Variants in CRMP1 observed in about 807,000 individuals in gnomAD.
CRMP1 encodes collapsin response mediator protein 1, also known as dihydropyrimidinase-related protein 1.
In CRMP1, 19 loss-of-function variants were observed where a neutral mutation model predicts 68.3. The observed-to-expected ratio is 0.28, with a 90% CI of 0.19 to 0.41. CRMP1 has a LOEUF of 0.41. Ranked by LOEUF, CRMP1 falls within the 10% of genes least tolerant of loss-of-function variation. The pLI is 1.00. For synonymous variants in CRMP1, 439 were observed against 399.6 expected, an observed-to-expected ratio of 1.10 and a Z score of -1.18; for missense variants, 791 against 967.4, an observed-to-expected ratio of 0.82 and a Z score of 2.42.
intron 8 of CRMP1, among the ~76,000 whole-genome samples, chr4:5,840,005 C>T (rs1362914205): frequency 2.6e-5 from 4 of 152,202 alleles, no homozygotes; most frequent in South Asian, 4.1e-4. Flanking sequence ...CATGGAGACA[C>T]GATTTACTCT....
At chr4:5,851,363 G>A in intron 5 of CRMP1, 45 bp downstream of exon 5, 1 of 1,584,018 alleles carries the variant, frequency 6.3e-7, no homozygotes, top group Non-Finnish European at 8.7e-7. Flanking sequence ...AGCTGGCCCA[G>A]TCCTGCCCAG....
chr4:5,873,332 G>A (rs181024908), intron 1 of CRMP1, among the ~76,000 whole-genome samples: 38 of 152,284 alleles, frequency 2.5e-4, no homozygotes, highest in Non-Finnish European at 4.3e-4. Flanking sequence ...GGAAGCACAC[G>A]GTGTATTAGT....
rs1260066214 is a variant in CRMP1 at position 5,820,922 on chromosome 4, C to T, written c.*838G>A. The T allele has an allele frequency of 6.6e-6, 1 of 152,210 alleles. No individual in the cohort carries two copies. Among genetic ancestry groups the T allele is most frequent in the Non-Finnish European group, 1.5e-5 (1 of 68,052 alleles). 9.4% of individuals were successfully genotyped at this position (152,210 alleles called of 1,614,324 possible). On this transcript the variant is annotated 3_prime_UTR_variant, in exon 14 of 14. Transcript: ENST00000324989. ...CAAAACTTTAAAAATCTGACTGCCC[C>T]GTCAACTGCCTCAGAGGGACCAGGA...
Position 5,877,046 on chromosome 4 carries a change from G to C in CRMP1, c.382-10290C>G, listed in dbSNP as rs1368987302. 6.6e-6 allele frequency among the ~76,000 whole-genome samples: 1 copy of C among 152,180 alleles called. No individual in the cohort carries two copies. Among genetic ancestry groups the C allele is most frequent in the Admixed American group, 6.5e-5 (1 of 15,280 alleles). ...TGGGAGTGCACCAGTCTGAGCACAAGCTTTAAGGGGCAGATGGGTTCAGCT... is the reference window on the plus strand; with the variant it reads ...TGGGAGTGCACCAGTCTGAGCACAACCTTTAAGGGGCAGATGGGTTCAGCT... On this transcript the variant is annotated intron_variant, in intron 1 of 13. Transcript: ENST00000324989. This position sits in a 1 kb window ranked among gnomAD's most constrained non-coding sequence, Gnocchi z 4.3.
At chr4:5,868,263 A>ATATATATATATATC (rs1714147592) in intron 1 of CRMP1, among the ~76,000 whole-genome samples, 1 of 8,088 alleles carries the variant, frequency 1.2e-4, no homozygotes, top group South Asian at 5.2e-3. Flanking sequence ...CTATATATCT[A>ATATATATATATATC]TATATATATA....
rs964201823 is a variant in CRMP1 at position 5,834,031 on chromosome 4, G to A, written c.1623+1884C>T. On this transcript the variant is annotated intron_variant, in intron 11 of 13. Transcript: ENST00000324989. The surrounding 1 kb of genome is among the most constrained non-coding windows in gnomAD (Gnocchi z 4.3). Reference sequence around the variant, plus strand: ...ACTGCACTCCAGCCTGGGCAACAGAGCAAGACTCCATCTCAACAACAACAA... The same window carrying A: ...ACTGCACTCCAGCCTGGGCAACAGAACAAGACTCCATCTCAACAACAACAA... Among the ~76,000 whole-genome samples the A allele has an allele frequency of 5.3e-5, 8 of 152,208 alleles. No homozygotes were observed. The highest frequency in any genetic ancestry group is 1.9e-4 in the African/African-American group (8 of 41,450).
Position 5,855,662 on chromosome 4 carries a change from G to C in CRMP1, c.820+481C>G, listed in dbSNP as rs1196777521. Among the ~76,000 whole-genome samples the C allele has an allele frequency of 1.3e-5, 2 of 152,186 alleles. No homozygotes were observed. Among genetic ancestry groups the C allele is most frequent in the African/African-American group, 4.8e-5 (2 of 41,458 alleles). On this transcript the variant is annotated intron_variant, in intron 4 of 13. Transcript: ENST00000324989. This position sits in a 1 kb window ranked among gnomAD's most constrained non-coding sequence, Gnocchi z 4.9. ...GGAACAATGGAAAAAGTGCCCCAAAGGAGGCCTAAGTAACCGGCATTGGCT... is the reference window on the plus strand; with the variant it reads ...GGAACAATGGAAAAAGTGCCCCAAACGAGGCCTAAGTAACCGGCATTGGCT...
At position 5,825,370 on chromosome 4, in the gene CRMP1, C is replaced by T; in HGVS notation, c.1969+124G>A. The T allele has an allele frequency of 2.1e-6, 3 of 1,447,866 alleles. No homozygotes were observed. The highest frequency in any genetic ancestry group is 2.7e-5 in the East Asian group (1 of 37,630). The allele number at this position is 1,447,866 out of a possible 1,614,324, so 89.7% of individuals were successfully genotyped here. A position where few individuals can be genotyped will look rare whatever the true frequency, so the allele number is the denominator to read the frequency against. On this transcript the variant is annotated intron_variant, in intron 13 of 13. Coordinates refer to ENST00000324989, the MANE Select transcript of CRMP1 (RefSeq NM_001014809.3). This position sits in a 1 kb window ranked among gnomAD's most constrained non-coding sequence, Gnocchi z 4.4. ...AGTGAGAGCAGGCTCGGGTGGGGCACACTCCCTTCCCTGCTTCTTCATCTA... is the reference window on the plus strand; with the variant it reads ...AGTGAGAGCAGGCTCGGGTGGGGCATACTCCCTTCCCTGCTTCTTCATCTA...
chr4:5,851,382 G>C (rs1560501826), intron 5 of CRMP1, 26 bp downstream of exon 5: 2 of 1,608,678 alleles, frequency 1.2e-6, no homozygotes, highest in Admixed American at 1.7e-5. Flanking sequence ...AGACAAGAGA[G>C]GAGAGAGTGA....
intron 11 of CRMP1, among the ~76,000 whole-genome samples, chr4:5,833,921 C>A (rs1720549161): frequency 6.6e-6 from 1 of 152,198 alleles, no homozygotes; most frequent in Non-Finnish European, 1.5e-5. Context: ...TGGCAGGCAC[C>A]TGTAGTCCCA....
intron 1 of CRMP1, among the ~76,000 whole-genome samples, chr4:5,867,586 A>G (rs980347903): frequency 1.3e-5 from 2 of 152,078 alleles, no homozygotes; most frequent in African/African-American, 4.8e-5. Context: ...TCATCCAAGC[A>G]CCGATCAGCT....
chr4:5,872,432 A>G lies in CRMP1; in HGVS notation c.382-5676T>C, dbSNP rs140859160. On this transcript the variant is annotated intron_variant, in intron 1 of 13. Coordinates refer to ENST00000324989, the MANE Select transcript of CRMP1 (RefSeq NM_001014809.3). The surrounding 1 kb of genome is among the most constrained non-coding windows in gnomAD (Gnocchi z 4.6). ...CCAGGTGCGGTGGCTCACGCCTGTAATCCCAGCACTTTGGGAGGCCGAGGT... is the reference window on the plus strand; with the variant it reads ...CCAGGTGCGGTGGCTCACGCCTGTAGTCCCAGCACTTTGGGAGGCCGAGGT... Among the ~76,000 whole-genome samples, 722 of 152,328 alleles carry G rather than the reference A, an allele frequency of 4.7e-3. 7 individuals carry two copies. The highest frequency in any genetic ancestry group is 0.016 in the African/African-American group (666 of 41,572).
Position 5,889,872 on chromosome 4 carries a change from T to G in CRMP1, c.381+2717A>C. ...TTAAAATAGAGGTGAGGTTTTAGCT[T>G]CACAGAGAAGCCAGCTCAGTATCCC... On this transcript the variant is annotated intron_variant, in intron 1 of 13. Coordinates refer to ENST00000324989, the MANE Select transcript of CRMP1 (RefSeq NM_001014809.3). The surrounding 1 kb of genome is among the most constrained non-coding windows in gnomAD (Gnocchi z 4.5). 7.0e-7 allele frequency: 1 copy of G among 1,429,370 alleles called. No homozygotes were observed. The highest frequency in any genetic ancestry group is 9.1e-7 in the Non-Finnish European group (1 of 1,094,422). The allele number at this position is 1,429,370 out of a possible 1,614,324, so 88.5% of individuals were successfully genotyped here.
chr4:5,846,090 G>A (rs1371917370), intron 6 of CRMP1, among the ~76,000 whole-genome samples: 1 of 152,146 alleles, frequency 6.6e-6, no homozygotes, highest in Non-Finnish European at 1.5e-5. Flanking sequence ...GAGGTCGGGA[G>A]TTCAAGACCA....
Position 5,861,285 on chromosome 4 carries a change from T to G in CRMP1, c.471-75A>C. 6.9e-7 allele frequency: 1 copy of G among 1,451,400 alleles called. No individual in the cohort carries two copies. The highest frequency in any genetic ancestry group is 9.4e-7 in the Non-Finnish European group (1 of 1,060,310). 89.9% of individuals were successfully genotyped at this position (1,451,400 alleles called of 1,614,324 possible). A position where few individuals can be genotyped will look rare whatever the true frequency, so the allele number is the denominator to read the frequency against. On this transcript the variant is annotated intron_variant, in intron 2 of 13. Coordinates refer to ENST00000324989, the MANE Select transcript of CRMP1 (RefSeq NM_001014809.3). This position sits in a 1 kb window ranked among gnomAD's most constrained non-coding sequence, Gnocchi z 6.0. ...TGGGCAGTCAACCCGCAGCTTCAGTTCCATGAAATAAACATTTCTGAGCCA... is the reference window on the plus strand; with the variant it reads ...TGGGCAGTCAACCCGCAGCTTCAGTGCCATGAAATAAACATTTCTGAGCCA...
intron 2 of CRMP1, among the ~76,000 whole-genome samples, chr4:5,864,291 G>A (rs1354907019): frequency 2.6e-5 from 4 of 152,132 alleles, no homozygotes; most frequent in Admixed American, 6.5e-5. Flanking sequence ...ATCATTCTCA[G>A]GGTCATTTTA....
chr4:5,874,347 T>C (rs368313181), intron 1 of CRMP1, among the ~76,000 whole-genome samples: 25 of 152,302 alleles, frequency 1.6e-4, no homozygotes, highest in East Asian at 1.3e-3. Flanking sequence ...AATTCTTTGT[T>C]AGGAATTCAA....
chr4:5,822,440 T>C (rs76963668), intron 13 of CRMP1, among the ~76,000 whole-genome samples: 3,496 of 151,026 alleles, frequency 0.023, 134 homozygotes, highest in African/African-American at 0.08. Context: ...TGCATGTGCA[T>C]GTGAACTCCG....
intron 2 of CRMP1, among the ~76,000 whole-genome samples, chr4:5,864,739 C>A (rs1577816134): frequency 6.6e-6 from 1 of 152,140 alleles, no homozygotes; most frequent in Admixed American, 6.5e-5. Context: ...CCCACAAGGA[C>A]AAATAAGAGA....
Sources: allele counts gnomAD v4.1 joint callset (sites outside exome capture counted in the v4.1 genomes callset), GRCh38; gene constraint gnomAD v4.1.1; non-coding constraint Gnocchi (gnomAD v3.1); transcripts MANE v1.5; gene names NCBI Gene and HGNC (gene_info 2026-07-23, HGNC 2026-07-21).